CHD2: variants seen among roughly 807,000 people sequenced by gnomAD.
CHD2 encodes the protein ATP-dependent chromatin remodeler CHD2.
Under a neutral mutation model 243.9 loss-of-function variants are expected in CHD2, and 28 were observed. The ratio of observed to expected loss-of-function variants is 0.11; its 90% CI spans 0.09 to 0.16. The LOEUF (loss-of-function observed/expected upper bound fraction) is 0.16, where lower values mean the gene tolerates loss of function less well. CHD2 is among the 10% of genes least tolerant of loss of function. The pLI, the probability that CHD2 is intolerant of heterozygous loss-of-function variation, is 1.00. For missense variants in CHD2, 1,386 were observed against 2,209.8 expected (o/e 0.63, Z 7.47); for synonymous variants, 775 against 779.0 (o/e 0.99, Z 0.09).
chr15:92,915,436 G>A (rs978556766), intron 2 of CHD2, among the ~76,000 whole-genome samples: 1 of 152,012 alleles, frequency 6.6e-6, no homozygotes, highest in South Asian at 2.1e-4. Context: ...CACCATGCCC[G>A]GCTAACTTTT....
chr15:92,904,612 TTTGCCC>T, intron 2 of CHD2: 20 of 1,166,948 alleles, frequency 1.7e-5, no homozygotes, highest in Non-Finnish European at 2.1e-5. Flanking sequence ...AGTGTGTTCT[TTTGCCC>T]ATTTCCGGGA....
chr15:92,949,635 T>A (rs1259118676), intron 13 of CHD2, among the ~76,000 whole-genome samples: 1 of 152,170 alleles, frequency 6.6e-6, no homozygotes, highest in Non-Finnish European at 1.5e-5. Flanking sequence ...GAAAAAAAGA[T>A]GAGACAGTGA....
chr15:92,929,058 CA>C lies in CHD2; in HGVS notation c.415del (p.Arg139GlufsTer7). On this transcript the variant is annotated frameshift_variant, in exon 5 of 39. Coordinates refer to ENST00000394196, the MANE Select transcript of CHD2 (RefSeq NM_001271.4). LOFTEE classifies it high-confidence loss of function. ...EASSGSESGS[P>X]KRRGQRQLKK... ...AGTAGCGGGTCTGAGAGTGGGAGCC[CA>C]AAAAGAAGAGGCCAGAGGCAGCTGA... is the stretch of plus-strand genomic sequence containing the variant. 6.2e-7 allele frequency: 1 copy of C among 1,611,226 alleles called. No homozygotes were observed. The highest frequency in any genetic ancestry group is 8.5e-7 in the Non-Finnish European group (1 of 1,178,458).
intron 17 of CHD2, among the ~76,000 whole-genome samples, chr15:92,969,033 ATTTG>A (rs1200703566): frequency 2.0e-5 from 3 of 152,192 alleles, no homozygotes; most frequent in African/African-American, 4.8e-5. Context: ...AGGAAATGAT[ATTTG>A]TTTGTTTCTG....
chr15:92,904,709 G>A, intron 2 of CHD2: 1 of 1,390,190 alleles, frequency 7.2e-7, no homozygotes. Flanking sequence ...GCACTATTTG[G>A]AAATCTTAAA....
intron 20 of CHD2, among the ~76,000 whole-genome samples, chr15:92,975,378 C>A (rs2053894099): frequency 1.3e-5 from 2 of 152,170 alleles, no homozygotes; most frequent in Admixed American, 6.5e-5. Context: ...CTTGCTCTCG[C>A]TAACAGCAAC....
chr15:93,000,045 A>AGTC (rs1446776508), intron 31 of CHD2, among the ~76,000 whole-genome samples: 1 of 152,094 alleles, frequency 6.6e-6, no homozygotes, highest in East Asian at 1.9e-4. Context: ...GATCACCTGA[A>AGTC]GTCAGGAGTT....
chr15:92,901,335 T>G, intron 2 of CHD2, 36 bp downstream of exon 2: 1 of 1,336,878 alleles, frequency 7.5e-7, no homozygotes, highest in Non-Finnish European at 1.1e-6. Flanking sequence ...TTTGTCTTTT[T>G]TTTTGGGGGA....
At chr15:92,920,560 T>A (rs1187018268) in intron 2 of CHD2, among the ~76,000 whole-genome samples, 1 of 152,224 alleles carries the variant, frequency 6.6e-6, no homozygotes, top group African/African-American at 2.4e-5. Flanking sequence ...CTAGTTGGGC[T>A]GTTCTAGTTA....
intron 23 of CHD2, 37 bp from the exon 24 acceptor site, chr15:92,981,328 C>T: frequency 6.7e-7 from 1 of 1,499,370 alleles, no homozygotes; most frequent in Non-Finnish European, 9.3e-7. Context: ...CATCTGTTGC[C>T]ATTTTATTCT....
At chr15:92,906,385 G>C (rs538933299) in intron 2 of CHD2, among the ~76,000 whole-genome samples, 26 of 152,278 alleles carry the variant, frequency 1.7e-4, no homozygotes, top group African/African-American at 6.0e-4. Flanking sequence ...TTTTGATAAA[G>C]ACTTTTGGTT....
chr15:93,004,151 A>G (rs1282923273), intron 33 of CHD2, among the ~76,000 whole-genome samples: 3 of 151,784 alleles, frequency 2.0e-5, no homozygotes, highest in African/African-American at 4.8e-5. Context: ...AAGTACCTGA[A>G]GTCATTTTAT....
At chr15:92,977,286 C>T (rs988644546) in intron 20 of CHD2, among the ~76,000 whole-genome samples, 1 of 152,170 alleles carries the variant, frequency 6.6e-6, no homozygotes, top group East Asian at 1.9e-4. Flanking sequence ...TCTTGTGAAG[C>T]AGCTGTCTCC....
At chr15:93,008,688 A>T (rs2054352979) in intron 34 of CHD2, among the ~76,000 whole-genome samples, 1 of 152,214 alleles carries the variant, frequency 6.6e-6, no homozygotes, top group Non-Finnish European at 1.5e-5. Flanking sequence ...GAGGCAGAGA[A>T]AAGATGCTTG....
At chr15:92,933,042 C>CTTTTTT (rs1567130860) in intron 5 of CHD2, among the ~76,000 whole-genome samples, 1 of 141,822 alleles carries the variant, frequency 7.1e-6, no homozygotes, top group Non-Finnish European at 1.5e-5. Context: ...GCGCCCGGCC[C>CTTTTTT]CTTTTTTTTT....
intron 9 of CHD2, 188 bp downstream of exon 9, chr15:92,943,256 T>A (rs566024424): frequency 5.5e-5 from 32 of 578,536 alleles, no homozygotes; most frequent in Non-Finnish European, 9.4e-5. Flanking sequence ...TATATGTGGC[T>A]ACCAAGTTTT....
chr15:93,001,289 GGAGTTCTGTT>G (rs1231193229), intron 32 of CHD2, among the ~76,000 whole-genome samples: 35 of 152,182 alleles, frequency 2.3e-4, no homozygotes, highest in Non-Finnish European at 4.7e-4. Context: ...CAGCTGCTAT[GGAGTTCTGTT>G]AACAAAACTC....
intron 37 of CHD2, among the ~76,000 whole-genome samples, chr15:93,015,642 G>A (rs1355070215): frequency 6.6e-6 from 1 of 150,704 alleles, no homozygotes; most frequent in Non-Finnish European, 1.5e-5. Context: ...ACTGTGTAAG[G>A]AACTCAGCTC....
chr15:93,000,596 T>A lies in CHD2; in HGVS notation c.4093T>A (p.Ser1365Thr). Residue 1365 changes from serine to threonine, a missense_variant, in exon 32 of 39, where the codon TCT (serine) becomes ACT (threonine). Ser to Thr is a moderately conservative substitution (Grantham distance 58). This residue lies in a region of CHD2 where 125 missense variants were observed against 128.9 expected (regional missense o/e 0.97). Coordinates refer to ENST00000394196, the MANE Select transcript of CHD2 (RefSeq NM_001271.4). ...AGAGGAGCATGGAATTGAGCTTTCA[T>A]CTCCTAGGCATTCAGATAATCCATC... is the stretch of plus-strand genomic sequence containing the variant. ...LKEEHGIELSSPRHSDNPSEE... is the reference protein window; with the variant it reads ...LKEEHGIELSTPRHSDNPSEE... 6.2e-7 allele frequency: 1 copy of A among 1,613,732 alleles called. No individual in the cohort carries two copies. Among genetic ancestry groups the A allele is most frequent in the Non-Finnish European group, 8.5e-7 (1 of 1,179,722 alleles).
Sources: allele counts gnomAD v4.1 joint callset (sites outside exome capture counted in the v4.1 genomes callset), GRCh38; gene constraint gnomAD v4.1.1; regional missense constraint gnomAD v4.1.1; transcripts MANE v1.5; gene names NCBI Gene and HGNC (gene_info 2026-07-23, HGNC 2026-07-21).